Variants in ZNF268 observed in about 807,000 individuals in gnomAD.
The protein encoded by ZNF268 is zinc finger protein 268.
ZNF268 carries 20 observed loss-of-function variants against 29.3 expected under a neutral mutation model. The ratio of observed to expected loss-of-function variants is 0.68; its 90% CI spans 0.48 to 0.99. ZNF268 has a LOEUF of 0.99. ZNF268 is among the 50% of genes least tolerant of loss of function. ZNF268 has a pLI of 0.00. For missense variants in ZNF268, 1,240 were observed against 1,121.6 expected (o/e 1.11, Z -1.51); for synonymous variants, 429 against 376.9 (o/e 1.14, Z -1.60).
chr12:133,191,380 C>T (rs11147291), intron 3 of ZNF268, 109 bp from the exon 4 acceptor site: 417,512 of 1,251,600 alleles, frequency 0.33, 71,627 homozygotes, highest in African/African-American at 0.42. Flanking sequence ...GTTTTCAATA[C>T]AATTTTTGTT....
At chr12:133,197,171 A>G (rs1230645123) in intron 5 of ZNF268, among the ~76,000 whole-genome samples, 1 of 141,124 alleles carries the variant, frequency 7.1e-6, no homozygotes, top group Non-Finnish European at 1.5e-5. Context: ...ATATCTCCCA[A>G]TGCTATCCCT....
Position 133,188,063 on chromosome 12 carries a change from C to G in ZNF268, c.225C>G (p.Thr75=), listed in dbSNP as rs944429102. The change falls in exon 3 of 6, where the codon ACC becomes ACG. Residue 75 remains threonine (T), a synonymous_variant. Transcript: ENST00000536435. The part of the protein sequence containing the change: ...LFISQEQPKI[T]KSWGPLSFMD... ...TTTCCCAAGAGCAGCCAAAAATCAC[C>G]AAGTCCTGGGTGAGCTTCTCATTTG... The G allele has an allele frequency of 3.8e-6, 6 of 1,586,536 alleles. No individual in the cohort carries two copies. The African/African-American group carries it at 5.4e-5, about 14-fold the overall frequency.
chr12:133,204,238 T>G lies in ZNF268; in HGVS notation c.2552T>G (p.Leu851Arg), dbSNP rs377280807. The G allele has an allele frequency of 9.1e-6, 14 of 1,543,822 alleles. No homozygotes were observed. The highest frequency in any genetic ancestry group is 1.7e-4 in the Middle Eastern group (1 of 5,992). ...AAATCCTTCAGTGGGAAATTACGCC[T>G]TCTTGTACACCAGAGAATGCACACA... Reference protein sequence around the residue: ...CEKSFSGKLRLLVHQRMHTRE... With the variant: ...CEKSFSGKLRRLVHQRMHTRE... The change falls in exon 6 of 6, where the codon CTT becomes CGT. Residue 851 changes from leucine to arginine, a missense_variant. Around this residue, in one of 3 missense-constraint regions of ZNF268, gnomAD observed 1,177 missense variants for 1,039.6 expected, o/e 1.13. Coordinates refer to ENST00000536435, the MANE Select transcript of ZNF268 (RefSeq NM_003415.3).
intron 5 of ZNF268, among the ~76,000 whole-genome samples, chr12:133,198,174 CG>C: frequency 6.8e-6 from 1 of 147,206 alleles, no homozygotes; most frequent in South Asian, 2.2e-4. Flanking sequence ...TTAGGTCTAA[CG>C]TTTAAGTCTT....
intron 5 of ZNF268, among the ~76,000 whole-genome samples, chr12:133,195,916 T>C (rs1197911057): frequency 6.6e-6 from 1 of 151,356 alleles, no homozygotes; most frequent in African/African-American, 2.4e-5. Context: ...TTTCACCATG[T>C]TGATCAGGCT....
chr12:133,186,207 C>G (rs1427919576), intron 2 of ZNF268, among the ~76,000 whole-genome samples: 1 of 152,046 alleles, frequency 6.6e-6, no homozygotes, highest in Non-Finnish European at 1.5e-5. Flanking sequence ...GCTCTACATG[C>G]ATTTTCCTGG....
At chr12:133,199,827 G>T (rs1476862709) in intron 5 of ZNF268, among the ~76,000 whole-genome samples, 1 of 152,172 alleles carries the variant, frequency 6.6e-6, no homozygotes, top group Non-Finnish European at 1.5e-5. Context: ...TTGCATAGAG[G>T]TGTTTGTAGC....
Position 133,212,512 on chromosome 12 carries a change from CACACAT to C in ZNF268, c.*7988_*7993del, listed in dbSNP as rs1174716050. ...ATATATATATATGTATATATACACA[CACACAT>C]ACACACATATATACACATATATATA... On this transcript the variant is annotated 3_prime_UTR_variant, in exon 6 of 6. Transcript: ENST00000536435. 983 of 66,686 alleles carry C rather than the reference CACACAT, an allele frequency of 0.015. 28 individuals are homozygous for C. The highest frequency in any genetic ancestry group is 0.049 in the African/African-American group (914 of 18,642). 4.1% of individuals were successfully genotyped at this position (66,686 alleles called of 1,614,324 possible). A position where few individuals can be genotyped will look rare whatever the true frequency, so the allele number is the denominator to read the frequency against.
At position 133,210,561 on chromosome 12, in the gene ZNF268, G is replaced by A. The variant is rs1449944958; in HGVS notation, c.*6031G>A. 2.0e-5 allele frequency: 6 copies of A among 295,262 alleles called. No homozygotes were observed. The highest frequency in any genetic ancestry group is 4.1e-5 in the Non-Finnish European group (6 of 146,654). The allele number at this position is 295,262 out of a possible 1,614,324, so 18.3% of individuals were successfully genotyped here. A position where few individuals can be genotyped will look rare whatever the true frequency, so the allele number is the denominator to read the frequency against. On this transcript the variant is annotated 3_prime_UTR_variant, in exon 6 of 6. Transcript: ENST00000536435. Reference sequence around the variant, plus strand: ...GGTCCTCAGGTTGGCCAGTGGAGAAGGAAGCTCTGGTTCTCAGTGTGATGC... The same window carrying A: ...GGTCCTCAGGTTGGCCAGTGGAGAAAGAAGCTCTGGTTCTCAGTGTGATGC...
At chr12:133,194,815 C>G (rs1433322222) in intron 5 of ZNF268, among the ~76,000 whole-genome samples, 2 of 152,348 alleles carry the variant, frequency 1.3e-5, no homozygotes, top group South Asian at 2.1e-4. Context: ...GTAAGCAGCA[C>G]TGTCTGCCTT....
intron 5 of ZNF268, among the ~76,000 whole-genome samples, chr12:133,193,916 T>G (rs1956536054): frequency 6.6e-6 from 1 of 152,320 alleles, no homozygotes; most frequent in Admixed American, 6.5e-5. Context: ...TCTCTTTGTT[T>G]ATCCTGTTTT....
chr12:133,187,407 C>A (rs1176216192), intron 2 of ZNF268, among the ~76,000 whole-genome samples: 1 of 150,274 alleles, frequency 6.7e-6, no homozygotes, highest in African/African-American at 2.5e-5. Flanking sequence ...TTTCTGATTT[C>A]TTTTACTTCA....
chr12:133,207,450 C>T lies in ZNF268; in HGVS notation c.*2920C>T, dbSNP rs1956920381. 1 of 152,186 alleles carries T rather than the reference C, an allele frequency of 6.6e-6. No individual in the cohort carries two copies. Among genetic ancestry groups the T allele is most frequent in the South Asian group, 2.1e-4 (1 of 4,834 alleles). The allele number at this position is 152,186 out of a possible 1,614,324, so 9.4% of individuals were successfully genotyped here. ...AGGTTTAACAGACTATTAGTGGATC[C>T]AGCATCCTTTGTTCATTACCAGCAG... On this transcript the variant is annotated 3_prime_UTR_variant, in exon 6 of 6. Transcript: ENST00000536435.
chr12:133,203,928 G>T lies in ZNF268; in HGVS notation c.2242G>T (p.Gly748Ter). 1 of 1,592,050 alleles carries T rather than the reference G, an allele frequency of 6.3e-7. No homozygotes were observed. Among genetic ancestry groups the T allele is most frequent in the Admixed American group, 1.8e-5 (1 of 56,902 alleles). The change falls in exon 6 of 6, where the codon GGA becomes TGA. Residue 748 changes from glycine (G) to a stop codon, truncating the protein, a stop_gained. Transcript: ENST00000536435. LOFTEE classifies it low-confidence loss of function (END_TRUNC). ...QLIVHQRIHT[G>*]ENPYECSECG... ...CATTGTGCATCAGAGAATTCACACA[G>T]GAGAAAATCCCTATGAATGCAGTGA...
chr12:133,204,447 A>G lies in ZNF268; in HGVS notation c.2761A>G (p.Lys921Glu). 1 of 1,555,824 alleles carries G rather than the reference A, an allele frequency of 6.4e-7. No homozygotes were observed. The highest frequency in any genetic ancestry group is 1.7e-4 in the Middle Eastern group (1 of 5,976). ...QRTHTGEKPCKCTECGKAFCW... is the reference protein window; with the variant it reads ...QRTHTGEKPCECTECGKAFCW... The stretch of plus-strand genomic sequence containing the variant: ...AACACATACAGGAGAGAAGCCTTGT[A>G]AGTGCACTGAATGTGGGAAAGCCTT... The change falls in exon 6 of 6, where the codon AAG becomes GAG. Residue 921 changes from lysine (K) to glutamate (E), a missense_variant. Physicochemically the swap from Lys to Glu is moderately conservative, Grantham distance 56. This residue lies in a region of ZNF268 where 1,177 missense variants were observed against 1,039.6 expected (regional missense o/e 1.13). Coordinates refer to ENST00000536435, the MANE Select transcript of ZNF268 (RefSeq NM_003415.3).
Position 133,204,086 on chromosome 12 carries a change from A to G in ZNF268, c.2400A>G (p.Arg800=), listed in dbSNP as rs1231612118. 3.2e-6 allele frequency: 5 copies of G among 1,550,950 alleles called. No homozygotes were observed. The highest frequency in any genetic ancestry group is 4.3e-6 in the Non-Finnish European group (5 of 1,150,540). ...SSKSYLIIHM[R]THSGEKPYEC... is the part of the protein sequence containing the mutation. ...AGTCATACCTAATTATACACATGAG[A>G]ACTCATTCAGGTGAAAAACCATATG... The change falls in exon 6 of 6, where the codon AGA becomes AGG. Residue 800 remains arginine (R), a synonymous_variant. Coordinates refer to ENST00000536435, the MANE Select transcript of ZNF268 (RefSeq NM_003415.3).
chr12:133,203,218 G>T lies in ZNF268; in HGVS notation c.1532G>T (p.Ser511Ile), dbSNP rs1403040897. Residue 511 changes from serine (S) to isoleucine (I), a missense_variant, in exon 6 of 6, where the codon AGC becomes ATC. Transcript: ENST00000536435. The stretch of plus-strand genomic sequence containing the variant: ...AATGAATGTGGCAAAGCCTTCAGGA[G>T]CAAGTCATACCTTATTATACATACA... ...VCNECGKAFR[S>I]KSYLIIHTRT... 1.3e-6 allele frequency: 2 copies of T among 1,537,784 alleles called. No individual in the cohort carries two copies. Among genetic ancestry groups the T allele is most frequent in the African/African-American group, 2.7e-5 (2 of 72,996 alleles).
chr12:133,206,635 CCTT>C lies in ZNF268; in HGVS notation c.*2108_*2110del, dbSNP rs1423077867. ...CAATACTGCAAATATTTCTGAAACA[CCTT>C]CTGCTTTGTACTCTATTAGATACCC... On this transcript the variant is annotated 3_prime_UTR_variant, in exon 6 of 6. Transcript: ENST00000536435. 1.2e-4 allele frequency: 18 copies of C among 152,148 alleles called. No individual in the cohort carries two copies. The highest frequency in any genetic ancestry group is 3.4e-4 in the African/African-American group (14 of 41,420). 9.4% of individuals were successfully genotyped at this position (152,148 alleles called of 1,614,324 possible).
In ZNF268 at chr12:133,203,906, T is replaced by C. The variant is rs1239403764; in HGVS notation, c.2220T>C (p.Ile740=). 1 of 1,584,204 alleles carries C rather than the reference T, an allele frequency of 6.3e-7. No individual in the cohort carries two copies. The highest frequency in any genetic ancestry group is 2.3e-5 in the East Asian group (1 of 43,476). Reference sequence around the variant, plus strand: ...CCTTTAGTTTCAATTCACAACTCATTGTGCATCAGAGAATTCACACAGGAG... The same window carrying C: ...CCTTTAGTTTCAATTCACAACTCATCGTGCATCAGAGAATTCACACAGGAG... ...GKSFSFNSQL[I]VHQRIHTGEN... is the part of the protein sequence containing the mutation. The change falls in exon 6 of 6, where the codon ATT becomes ATC. Residue 740 remains isoleucine (I), a synonymous_variant. Transcript: ENST00000536435.
Sources: allele counts gnomAD v4.1 joint callset (sites outside exome capture counted in the v4.1 genomes callset), GRCh38; gene constraint gnomAD v4.1.1; regional missense constraint gnomAD v4.1.1; transcripts MANE v1.5; gene names NCBI Gene and HGNC (gene_info 2026-07-23, HGNC 2026-07-21).